Variants in KSR2 observed in about 807,000 individuals in gnomAD.
The protein encoded by KSR2 is kinase suppressor of ras 2.
KSR2 carries 25 observed loss-of-function variants against 107.8 expected under a neutral mutation model. The ratio of observed to expected loss-of-function variants is 0.23; its 90% CI spans 0.17 to 0.32. The LOEUF (loss-of-function observed/expected upper bound fraction) is 0.32. Ranked by LOEUF, KSR2 falls within the 10% of genes least tolerant of loss-of-function variation. The pLI is 1.00. For synonymous variants in KSR2, 480 were observed against 507.0 expected (o/e 0.95, Z 0.71); for missense variants, 887 against 1,268.9 (o/e 0.70, Z 4.57).
chr12:117,662,976 A>G (rs979071527), intron 5 of KSR2, among the ~76,000 whole-genome samples: 1 of 152,228 alleles, frequency 6.6e-6, no homozygotes, highest in Non-Finnish European at 1.5e-5. Flanking sequence ...GGATGGCTAC[A>G]ACCTGGGACG....
intron 7 of KSR2, among the ~76,000 whole-genome samples, chr12:117,575,761 T>G (rs1252960011): frequency 1.3e-5 from 2 of 152,262 alleles, no homozygotes; most frequent in African/African-American, 4.8e-5. Context: ...GTCTCTTATA[T>G]GCCAGGAGTC....
At chr12:117,608,062 T>C (rs1396630044) in intron 5 of KSR2, among the ~76,000 whole-genome samples, 1 of 152,242 alleles carries the variant, frequency 6.6e-6, no homozygotes, top group Non-Finnish European at 1.5e-5. Context: ...TTTACCAAAC[T>C]GTGGAGAGAA....
chr12:117,484,785 A>G (rs1299994929), intron 15 of KSR2, among the ~76,000 whole-genome samples: 2 of 152,200 alleles, frequency 1.3e-5, no homozygotes, highest in Admixed American at 6.5e-5. Context: ...TAGACCACAG[A>G]AAGGCCAGCC....
chr12:117,958,022 G>A (rs557505781), intron 1 of KSR2, among the ~76,000 whole-genome samples: 3 of 152,062 alleles, frequency 2.0e-5, no homozygotes, highest in East Asian at 1.9e-4. Context: ...TAGTAGAGAC[G>A]GGGTTTCGCC....
intron 3 of KSR2, among the ~76,000 whole-genome samples, chr12:117,772,162 G>GCACATA (rs1276274224): frequency 8.6e-6 from 1 of 116,522 alleles, no homozygotes; most frequent in Non-Finnish European, 1.7e-5. Context: ...CCCCAAAGAC[G>GCACATA]CACATACACA....
At position 117,763,676 on chromosome 12, in the gene KSR2, T is replaced by C. The variant is rs375343650; in HGVS notation, c.473-2152A>G. On this transcript the variant is annotated intron_variant, in intron 3 of 19. Coordinates refer to ENST00000339824, the MANE Select transcript of KSR2 (RefSeq NM_173598.6). ...CCAGGTCTGTGGGCTAAGGTGCAGA[T>C]TGGCTTTTATACCAAGTCCAACAGG... Among the ~76,000 whole-genome samples the C allele has an allele frequency of 1.2e-4, 19 of 152,318 alleles. No homozygotes were observed. In the East Asian group the frequency reaches 2.9e-3, roughly 23 times the overall value.
intron 3 of KSR2, among the ~76,000 whole-genome samples, chr12:117,816,399 A>G (rs1043687638): frequency 2.0e-5 from 3 of 152,036 alleles, no homozygotes; most frequent in African/African-American, 7.2e-5. Context: ...GAGACAAACT[A>G]TCCCCTCTGT....
intron 3 of KSR2, among the ~76,000 whole-genome samples, chr12:117,782,884 G>A (rs867821911): frequency 2.1e-4 from 32 of 152,234 alleles, no homozygotes; most frequent in African/African-American, 7.2e-4. Context: ...AGACCCCTCC[G>A]CCCCACATAG....
intron 3 of KSR2, among the ~76,000 whole-genome samples, chr12:117,772,307 C>A (rs1889511597): frequency 6.9e-6 from 1 of 144,982 alleles, no homozygotes; most frequent in Non-Finnish European, 1.5e-5. Context: ...ACCATTCCCC[C>A]AAAGACGCAC....
At chr12:117,608,114 A>G (rs1376975752) in intron 5 of KSR2, among the ~76,000 whole-genome samples, 1 of 152,238 alleles carries the variant, frequency 6.6e-6, no homozygotes, top group African/African-American at 2.4e-5. Context: ...CTTGAATTCC[A>G]GCTCTGCTGC....
chr12:117,939,065 T>G (rs1895928108), intron 1 of KSR2, among the ~76,000 whole-genome samples: 2 of 152,138 alleles, frequency 1.3e-5, no homozygotes, highest in South Asian at 4.1e-4. Context: ...TAAGAATATT[T>G]TAAGTACTGT....
At chr12:117,635,202 A>C (rs1883009829) in intron 5 of KSR2, among the ~76,000 whole-genome samples, 1 of 152,198 alleles carries the variant, frequency 6.6e-6, no homozygotes, top group South Asian at 2.1e-4. Context: ...TCTTCCCCAC[A>C]GCCAGACTTT....
intron 1 of KSR2, among the ~76,000 whole-genome samples, chr12:117,918,702 C>T (rs947960619): frequency 5.3e-5 from 8 of 151,612 alleles, no homozygotes; most frequent in South Asian, 2.1e-4. Context: ...GCAGGAGATT[C>T]GCTTGAATCC....
chr12:117,910,338 G>A (rs977461531), intron 1 of KSR2, among the ~76,000 whole-genome samples: 7 of 152,168 alleles, frequency 4.6e-5, no homozygotes, highest in African/African-American at 1.7e-4. Flanking sequence ...TTAACCAAGA[G>A]AGAGTGCCCA....
chr12:117,509,076 G>A (rs1321667820), intron 14 of KSR2, among the ~76,000 whole-genome samples: 1 of 152,096 alleles, frequency 6.6e-6, no homozygotes, highest in African/African-American at 2.4e-5. Context: ...GGATGGATGC[G>A]TGATCATTCA....
At chr12:117,868,944 T>C (rs1207361512) in intron 1 of KSR2, among the ~76,000 whole-genome samples, 1 of 151,762 alleles carries the variant, frequency 6.6e-6, no homozygotes, top group Admixed American at 6.6e-5. Context: ...AGAGATGAGG[T>C]TTTGTGCCAC....
At chr12:117,916,255 G>A (rs1174347542) in intron 1 of KSR2, among the ~76,000 whole-genome samples, 1 of 149,056 alleles carries the variant, frequency 6.7e-6, no homozygotes, top group Non-Finnish European at 1.5e-5. Context: ...TCCTGCCTCA[G>A]CCTCTTGAGT....
At chr12:117,598,041 A>G (rs1041470308) in intron 5 of KSR2, among the ~76,000 whole-genome samples, 1 of 151,114 alleles carries the variant, frequency 6.6e-6, no homozygotes, top group Non-Finnish European at 1.5e-5. Flanking sequence ...GGTTACATGG[A>G]TAAGTTCTTT....
intron 3 of KSR2, among the ~76,000 whole-genome samples, chr12:117,854,139 G>C (rs919996141): frequency 6.6e-6 from 1 of 152,090 alleles, no homozygotes; most frequent in South Asian, 2.1e-4. Flanking sequence ...CGAGTAGCTG[G>C]GACTACAGGC....
Sources: gnomAD v4.1 joint callset for allele counts (sites outside exome capture counted in the v4.1 genomes callset) on GRCh38, gnomAD v4.1.1 for gene constraint, MANE v1.5 for transcripts, NCBI Gene and HGNC (gene_info 2026-07-23, HGNC 2026-07-21) for gene names.